Variants in PCDHA11 observed in about 807,000 individuals in gnomAD.
The protein encoded by PCDHA11 is protocadherin alpha-11.
In PCDHA11, 61 loss-of-function variants were observed where a neutral mutation model predicts 70.3. The ratio of observed to expected loss-of-function variants is 0.87; its 90% CI spans 0.71 to 1.07. The LOEUF (loss-of-function observed/expected upper bound fraction) is 1.07. Ranked by LOEUF, PCDHA11 falls within the 50% of genes least tolerant of loss-of-function variation. The probability of loss-of-function intolerance (pLI) is 0.00; values close to 1 mark genes in which losing one functional copy is unlikely to be tolerated. For synonymous variants in PCDHA11, 633 were observed against 555.1 expected, an observed-to-expected ratio of 1.14 and a Z score of -1.97; for missense variants, 1,324 against 1,237.5, an observed-to-expected ratio of 1.07 and a Z score of -1.05.
chr5:140,876,806 T>C (rs1554168956), intron 1 of PCDHA11: 2 of 1,613,976 alleles, frequency 1.2e-6, no homozygotes, highest in South Asian at 2.2e-5. Context: ...TCCGTGGAGG[T>C]GGCCGACGTG....
At chr5:140,915,694 G>A (rs2077262169) in intron 1 of PCDHA11, among the ~76,000 whole-genome samples, 1 of 151,538 alleles carries the variant, frequency 6.6e-6, no homozygotes, top group African/African-American at 2.4e-5. Flanking sequence ...GTATGGTGAT[G>A]CAAGCACTCC....
Position 141,009,661 on chromosome 5 carries a change from T to G in PCDHA11, c.2574T>G (p.Gly858=), listed in dbSNP as rs1554262260. ...PEAGEVSPPV[G]AGVNSNSWTF... ...CAGGAGAAGTGTCCCCTCCAGTCGG[T>G]GCGGGTGTCAACAGCAACAGCTGGA... The change falls in exon 4 of 4, where the codon GGT becomes GGG. Residue 858 remains glycine (G), a synonymous_variant. Coordinates refer to ENST00000398640, the MANE Select transcript of PCDHA11 (RefSeq NM_018902.5). 1 of 1,614,030 alleles carries G rather than the reference T, an allele frequency of 6.2e-7. No homozygotes were observed.
rs184181976 is a variant in PCDHA11, at chr5:141,009,882, A to C, written c.2795A>C (p.Lys932Thr). Reference protein sequence around the residue: ...KKKKKKKKGNKTQEKKEKGNS... With the variant: ...KKKKKKKKGNTTQEKKEKGNS... Reference sequence around the variant, plus strand: ...AAGAAGAAAAAGAAGAAGGGTAACAAGACCCAGGAGAAAAAAGAGAAAGGG... The same window carrying C: ...AAGAAGAAAAAGAAGAAGGGTAACACGACCCAGGAGAAAAAAGAGAAAGGG... The change falls in exon 4 of 4, where the codon AAG becomes ACG. Residue 932 changes from lysine (K) to threonine (T), a missense_variant. Physicochemically the swap from Lys to Thr is moderately conservative, Grantham distance 78. Transcript: ENST00000398640. 6.2e-7 allele frequency: 1 copy of C among 1,613,488 alleles called. No homozygotes were observed. Among genetic ancestry groups the C allele is most frequent in the Non-Finnish European group, 8.5e-7 (1 of 1,179,914 alleles).
chr5:140,897,383 C>T (rs1554187365), intron 1 of PCDHA11, among the ~76,000 whole-genome samples: 1 of 143,902 alleles, frequency 6.9e-6, no homozygotes, highest in African/African-American at 2.6e-5. Flanking sequence ...CTTCCCCTTC[C>T]TGTGTCCATG....
intron 1 of PCDHA11, chr5:140,882,238 G>T: frequency 6.3e-7 from 1 of 1,583,494 alleles, no homozygotes; most frequent in Non-Finnish European, 8.6e-7. Context: ...TGTATATATT[G>T]CAGATAGCTC....
At chr5:140,920,841 TAAA>T (rs781921146) in intron 1 of PCDHA11, among the ~76,000 whole-genome samples, 2 of 109,226 alleles carry the variant, frequency 1.8e-5, no homozygotes, top group Non-Finnish European at 3.9e-5. Context: ...AGACCAAATC[TAAA>T]AAAAAAAAAA....
chr5:140,892,413 T>C (rs1554185182), intron 1 of PCDHA11, among the ~76,000 whole-genome samples: 1 of 152,222 alleles, frequency 6.6e-6, no homozygotes, highest in Non-Finnish European at 1.5e-5. Context: ...CTTCAGGTAT[T>C]CTAGATAAAA....
intron 3 of PCDHA11, among the ~76,000 whole-genome samples, chr5:140,992,294 G>C (rs2097504138): frequency 1.3e-5 from 2 of 152,190 alleles, no homozygotes; most frequent in African/African-American, 4.8e-5. Context: ...CAAAGGATGG[G>C]AGTATTGTTT....
intron 1 of PCDHA11, among the ~76,000 whole-genome samples, chr5:140,949,308 G>T (rs1323575169): frequency 6.6e-6 from 1 of 151,722 alleles, no homozygotes; most frequent in African/African-American, 2.4e-5. Flanking sequence ...TGGGTGTAAT[G>T]ATTTATAAAT....
intron 1 of PCDHA11, chr5:140,968,014 A>G: frequency 6.2e-7 from 1 of 1,614,194 alleles, no homozygotes; most frequent in Non-Finnish European, 8.5e-7. Flanking sequence ...ATGGCTTTGG[A>G]AACTCCTATA....
chr5:141,009,595 C>G (rs781807814), intron 3 of PCDHA11, 32 bp from the exon 4 acceptor site: 1 of 1,604,124 alleles, frequency 6.2e-7, no homozygotes, highest in Non-Finnish European at 8.5e-7. Flanking sequence ...TGTGTTGACC[C>G]TGTTAATGAT....
At chr5:140,925,238 T>C (rs2082404327) in intron 1 of PCDHA11, among the ~76,000 whole-genome samples, 1 of 152,248 alleles carries the variant, frequency 6.6e-6, no homozygotes, top group African/African-American at 2.4e-5. Context: ...CCAGAAAATA[T>C]GTCCTGGAAA....
chr5:140,934,555 CT>C (rs1355336850), intron 1 of PCDHA11, among the ~76,000 whole-genome samples: 2 of 151,972 alleles, frequency 1.3e-5, no homozygotes, highest in African/African-American at 2.4e-5. Context: ...ATCATTTCTT[CT>C]TTTTTTTAAT....
chr5:140,872,756 A>G (rs987230878), intron 1 of PCDHA11, among the ~76,000 whole-genome samples: 1 of 152,342 alleles, frequency 6.6e-6, no homozygotes, highest in East Asian at 1.9e-4. Context: ...AAAGACATGC[A>G]TATAGGGCTA....
intron 1 of PCDHA11, among the ~76,000 whole-genome samples, chr5:140,937,865 T>C (rs1056873213): frequency 2.0e-5 from 3 of 149,988 alleles, no homozygotes; most frequent in Non-Finnish European, 2.9e-5. Context: ...TGAGCCGAGA[T>C]CGCGCCACTG....
chr5:140,948,705 T>C (rs1585306851), intron 1 of PCDHA11, among the ~76,000 whole-genome samples: 1 of 151,580 alleles, frequency 6.6e-6, no homozygotes, highest in African/African-American at 2.4e-5. Context: ...ATTTGTGTTC[T>C]ATCCTCTTTT....
At chr5:140,931,852 G>A (rs1177917853) in intron 1 of PCDHA11, among the ~76,000 whole-genome samples, 1 of 151,728 alleles carries the variant, frequency 6.6e-6, no homozygotes, top group Admixed American at 6.6e-5. Flanking sequence ...AATAACAACA[G>A]GATTCTAGAA....
chr5:140,924,921 T>A (rs1167960449), intron 1 of PCDHA11, among the ~76,000 whole-genome samples: 5 of 126,218 alleles, frequency 4.0e-5, no homozygotes, highest in African/African-American at 1.5e-4. Context: ...TAAAATAAAA[T>A]AAAATAAAAT....
At chr5:140,967,876 G>C (rs369514758) in intron 1 of PCDHA11, 1 of 1,614,144 alleles carries the variant, frequency 6.2e-7, no homozygotes, top group Non-Finnish European at 8.5e-7. Flanking sequence ...TCACGGACCT[G>C]TATAGCCCAG....
Sources: gnomAD v4.1 joint callset for allele counts (sites outside exome capture counted in the v4.1 genomes callset) on GRCh38, gnomAD v4.1.1 for gene constraint, MANE v1.5 for transcripts, NCBI Gene and HGNC (gene_info 2026-07-23, HGNC 2026-07-21) for gene names.